Variants in EXOC6B observed in about 807,000 individuals in gnomAD.
EXOC6B encodes exocyst complex component 6B, also known as SEC15 homolog B.
In EXOC6B, 54 loss-of-function variants were observed where a neutral mutation model predicts 113.5. The observed-to-expected ratio is 0.48, with a 90% CI of 0.38 to 0.60. The LOEUF (loss-of-function observed/expected upper bound fraction) is 0.60. Ranked by LOEUF, EXOC6B falls within the 20% of genes least tolerant of loss-of-function variation. EXOC6B has a pLI of 0.00. For missense variants in EXOC6B, 797 were observed against 977.5 expected (o/e 0.82, Z 2.46); for synonymous variants, 357 against 339.0 (o/e 1.05, Z -0.58).
chr2:72,401,414 A>G (rs1693149286), intron 18 of EXOC6B, among the ~76,000 whole-genome samples: 1 of 144,796 alleles, frequency 6.9e-6, no homozygotes, highest in Non-Finnish European at 1.5e-5. Context: ...GTGAGCCGAG[A>G]TCATGCCATT....
At chr2:72,338,825 GT>G (rs912736543) in intron 19 of EXOC6B, among the ~76,000 whole-genome samples, 3 of 150,400 alleles carry the variant, frequency 2.0e-5, no homozygotes, top group East Asian at 3.9e-4. Context: ...TTATGAGGGT[GT>G]TTTTTTTTCT....
At chr2:72,255,111 T>C (rs1342454379) in intron 20 of EXOC6B, among the ~76,000 whole-genome samples, 6 of 152,178 alleles carry the variant, frequency 3.9e-5, no homozygotes, top group Admixed American at 1.3e-4. Flanking sequence ...TGTGTCTCAT[T>C]GATCCACTCA....
intron 20 of EXOC6B, among the ~76,000 whole-genome samples, chr2:72,267,976 C>A (rs1221120936): frequency 2.0e-5 from 3 of 152,082 alleles, no homozygotes; most frequent in Non-Finnish European, 2.9e-5. Flanking sequence ...TAAGTATGTT[C>A]CATGAAGTAC....
intron 6 of EXOC6B, among the ~76,000 whole-genome samples, chr2:72,625,015 C>T (rs1671963585): frequency 6.8e-6 from 1 of 147,892 alleles, no homozygotes; most frequent in Admixed American, 6.9e-5. Flanking sequence ...AGCCTAGCAA[C>T]CTGTCTTTCC....
intron 18 of EXOC6B, among the ~76,000 whole-genome samples, chr2:72,430,504 A>G (rs569754023): frequency 1.2e-4 from 18 of 152,294 alleles, no homozygotes; most frequent in African/African-American, 4.3e-4. Flanking sequence ...AAAATTAGTC[A>G]GGCATGGTGG....
At chr2:72,237,557 A>G (rs1682043039) in intron 20 of EXOC6B, among the ~76,000 whole-genome samples, 1 of 152,218 alleles carries the variant, frequency 6.6e-6, no homozygotes, top group Admixed American at 6.5e-5. Flanking sequence ...TCTGGCTAAA[A>G]ATCTAAAGCA....
chr2:72,374,866 C>A lies in EXOC6B; in HGVS notation c.2122+4863G>T, dbSNP rs115075175. On this transcript the variant is annotated intron_variant, in intron 19 of 21. Transcript: ENST00000272427. ...CATTCATTATAAATCACCTAACCAA[C>A]CCAATTAAAAATAAAAGATTGTCAC... Among the ~76,000 whole-genome samples the A allele has an allele frequency of 2.9e-3, 428 of 149,718 alleles. 2 individuals are homozygous for A. The highest frequency in any genetic ancestry group is 0.01 in the African/African-American group (410 of 40,620).
chr2:72,457,204 C>G (rs889210290), intron 18 of EXOC6B, among the ~76,000 whole-genome samples: 2 of 152,040 alleles, frequency 1.3e-5, no homozygotes, highest in Admixed American at 1.3e-4. Flanking sequence ...AATGGGAGTA[C>G]TGACAGTTTG....
At chr2:72,305,330 GTATATGTATATGTAT>G in intron 20 of EXOC6B, among the ~76,000 whole-genome samples, 1 of 101,006 alleles carries the variant, frequency 9.9e-6, no homozygotes, top group African/African-American at 9.8e-5. Flanking sequence ...GTGTGTATAT[GTATATGTATATGTAT>G]ATGTATATGT....
intron 20 of EXOC6B, among the ~76,000 whole-genome samples, chr2:72,328,106 G>T (rs903231744): frequency 2.0e-5 from 3 of 151,976 alleles, no homozygotes; most frequent in African/African-American, 7.3e-5. Context: ...CCATACTTAG[G>T]AATAGGAATT....
chr2:72,442,872 G>T (rs571758551), intron 18 of EXOC6B, among the ~76,000 whole-genome samples: 1 of 152,182 alleles, frequency 6.6e-6, no homozygotes, highest in African/African-American at 2.4e-5. Flanking sequence ...ATTCTTCACA[G>T]AACTAGAAAA....
intron 17 of EXOC6B, among the ~76,000 whole-genome samples, chr2:72,473,301 T>A (rs1698525194): frequency 6.6e-6 from 1 of 152,106 alleles, no homozygotes. Context: ...TTTTATTATA[T>A]CAGAGTTCAC....
chr2:72,548,596 C>T (rs67970313), intron 8 of EXOC6B, among the ~76,000 whole-genome samples: 30,820 of 151,826 alleles, frequency 0.2, 4,886 homozygotes, highest in African/African-American at 0.44. Flanking sequence ...TGTAACAGTC[C>T]CCGTGACTAG....
In EXOC6B at chr2:72,559,462, A is replaced by G. The variant is rs1294100541; in HGVS notation, c.906T>C (p.Tyr302=). The G allele has an allele frequency of 1.9e-6, 3 of 1,610,244 alleles. No individual in the cohort carries two copies. The highest frequency in any genetic ancestry group is 2.5e-6 in the Non-Finnish European group (3 of 1,178,306). ...FSPVYRCLHI[Y]SVLGARETFE... The stretch of plus-strand genomic sequence containing the variant: ...CCAGATAAAGACTCACCAGGACAGA[A>G]TATATATGTAGACATCGATAAACTG... Residue 302 remains tyrosine (Y), a synonymous_variant, in exon 8 of 22, where the codon TAT becomes TAC. Coordinates refer to ENST00000272427, the MANE Select transcript of EXOC6B (RefSeq NM_015189.3).
intron 6 of EXOC6B, among the ~76,000 whole-genome samples, chr2:72,712,348 A>G (rs1679330167): frequency 6.6e-6 from 1 of 152,238 alleles, no homozygotes; most frequent in Non-Finnish European, 1.5e-5. Context: ...CTCATGGATC[A>G]GGAGTTCAGA....
At chr2:72,672,082 A>G (rs1203775931) in intron 6 of EXOC6B, among the ~76,000 whole-genome samples, 1 of 152,032 alleles carries the variant, frequency 6.6e-6, no homozygotes, top group East Asian at 1.9e-4. Flanking sequence ...GTACCCTCAT[A>G]CATTGTTGGT....
At chr2:72,640,991 A>G (rs558923584) in intron 6 of EXOC6B, among the ~76,000 whole-genome samples, 15 of 152,362 alleles carry the variant, frequency 9.8e-5, no homozygotes, top group Admixed American at 3.3e-4. Context: ...AAAGGCCTTC[A>G]AAGACACTTA....
intron 18 of EXOC6B, among the ~76,000 whole-genome samples, chr2:72,415,246 C>G (rs1005916365): frequency 6.6e-6 from 1 of 151,902 alleles, no homozygotes; most frequent in Admixed American, 6.6e-5. Context: ...GATGCCTTTA[C>G]GTCAGTCTCT....
chr2:72,323,739 A>C (rs1447392954), intron 20 of EXOC6B, among the ~76,000 whole-genome samples: 2 of 151,924 alleles, frequency 1.3e-5, no homozygotes, highest in Non-Finnish European at 2.9e-5. Context: ...ACAAGAACAG[A>C]GAACCAAACA....
Sources: gnomAD v4.1 joint callset for allele counts (sites outside exome capture counted in the v4.1 genomes callset) on GRCh38, gnomAD v4.1.1 for gene constraint, MANE v1.5 for transcripts, NCBI Gene and HGNC (gene_info 2026-07-23, HGNC 2026-07-21) for gene names.